STIM1: variants seen among roughly 807,000 people sequenced by gnomAD.
STIM1 encodes stromal interaction molecule 1.
STIM1 carries 25 observed loss-of-function variants against 74.7 expected under a neutral mutation model. The ratio of observed to expected loss-of-function variants is 0.33; its 90% confidence interval spans 0.24 to 0.47. The LOEUF (loss-of-function observed/expected upper bound fraction) is 0.47, where lower values mean the gene tolerates loss of function less well. STIM1 is among the 20% of genes least tolerant of loss of function. The pLI is 1.00. For missense variants in STIM1, 728 were observed against 920.8 expected, an observed-to-expected ratio of 0.79 and a Z score of 2.71; for synonymous variants, 328 against 348.8, an observed-to-expected ratio of 0.94 and a Z score of 0.66.
At chr11:3,966,903 C>G (rs2093345309) in intron 1 of STIM1, among the ~76,000 whole-genome samples, 1 of 152,202 alleles carries the variant, frequency 6.6e-6, no homozygotes, top group Non-Finnish European at 1.5e-5. Context: ...GCAGAAGAAA[C>G]TGTATCCCAG....
intron 6 of STIM1, among the ~76,000 whole-genome samples, chr11:4,071,532 A>G (rs2094403573): frequency 6.6e-6 from 1 of 151,810 alleles, no homozygotes; most frequent in African/African-American, 2.4e-5. Flanking sequence ...TTGTAGAGAC[A>G]GGGGTCTTGC....
At chr11:4,019,505 G>C (rs7939090) in intron 2 of STIM1, among the ~76,000 whole-genome samples, 6,572 of 151,974 alleles carry the variant, frequency 0.043, 425 homozygotes, top group African/African-American at 0.14. Flanking sequence ...GAGACACCGT[G>C]TGTACAAAAA....
At chr11:4,018,278 T>A (rs1267834901) in intron 2 of STIM1, among the ~76,000 whole-genome samples, 1 of 146,138 alleles carries the variant, frequency 6.8e-6, no homozygotes, top group Non-Finnish European at 1.5e-5. Flanking sequence ...TGAAACCCCG[T>A]CTCTACTAAA....
intron 1 of STIM1, among the ~76,000 whole-genome samples, chr11:3,903,071 G>A (rs2135442761): frequency 6.6e-6 from 1 of 152,230 alleles, no homozygotes; most frequent in South Asian, 2.1e-4. Flanking sequence ...ATTTTTATTA[G>A]TAGTTTATTC....
chr11:3,877,558 A>G (rs1483576239), intron 1 of STIM1, among the ~76,000 whole-genome samples: 1 of 152,170 alleles, frequency 6.6e-6, no homozygotes, highest in Non-Finnish European at 1.5e-5. Context: ...ACGTGTACTC[A>G]GCTTGACTTC....
intron 3 of STIM1, among the ~76,000 whole-genome samples, chr11:4,036,188 G>T (rs548402916): frequency 2.9e-4 from 44 of 152,158 alleles, no homozygotes; most frequent in Non-Finnish European, 1.5e-4. Flanking sequence ...ACATGATCTC[G>T]TTCCTTTTCA....
intron 5 of STIM1, among the ~76,000 whole-genome samples, chr11:4,063,850 TC>T (rs746573015): frequency 1.1e-4 from 17 of 152,340 alleles, no homozygotes; most frequent in Admixed American, 2.0e-4. Flanking sequence ...TCCCTACAGT[TC>T]CTTTCAGCTG....
At chr11:4,079,876 G>A (rs2133210167) in intron 7 of STIM1, among the ~76,000 whole-genome samples, 1 of 152,226 alleles carries the variant, frequency 6.6e-6, no homozygotes, top group East Asian at 1.9e-4. Flanking sequence ...AACCCCCCCA[G>A]ATAAATGAAA....
chr11:4,058,486 A>T (rs1354345370), intron 4 of STIM1, among the ~76,000 whole-genome samples: 1 of 152,216 alleles, frequency 6.6e-6, no homozygotes, highest in African/African-American at 2.4e-5. Context: ...AATCTTATAG[A>T]GTAGTATAGA....
chr11:4,010,719 C>CT (rs1019390637), intron 2 of STIM1, among the ~76,000 whole-genome samples: 43 of 151,800 alleles, frequency 2.8e-4, no homozygotes, highest in African/African-American at 9.7e-4. Flanking sequence ...TTCTTTCTTT[C>CT]TTTTTTTTAT....
chr11:4,068,014 TTATC>T lies in STIM1; in HGVS notation c.614-2008_614-2005del, dbSNP rs1202280961. On this transcript the variant is annotated intron_variant, in intron 5 of 12. Coordinates refer to ENST00000526596, the MANE Select transcript of STIM1 (RefSeq NM_001382567.1). ...ATGTGGCAGGTAGTATTTCCGGACT[TTATC>T]TATACATTTGACAAGGCAGAGGGTT... Among the ~76,000 whole-genome samples the T allele has an allele frequency of 2.6e-5, 4 of 152,334 alleles. No individual in the cohort carries two copies. The East Asian group carries it at 5.8e-4, about 22-fold the overall frequency.
intron 2 of STIM1, among the ~76,000 whole-genome samples, chr11:4,007,898 A>G (rs1159973372): frequency 6.6e-6 from 1 of 152,148 alleles, no homozygotes; most frequent in Non-Finnish European, 1.5e-5. Flanking sequence ...GACTGTTGCC[A>G]TGTAGTCATG....
intron 1 of STIM1, among the ~76,000 whole-genome samples, chr11:3,961,894 T>A (rs2093289895): frequency 6.6e-6 from 1 of 152,228 alleles, no homozygotes; most frequent in Non-Finnish European, 1.5e-5. Context: ...TTTGGAAGCC[T>A]TCATACTGGT....
chr11:3,993,714 C>T (rs1453489048), intron 2 of STIM1, among the ~76,000 whole-genome samples: 1 of 152,104 alleles, frequency 6.6e-6, no homozygotes, highest in African/African-American at 2.4e-5. Flanking sequence ...TGTCATACTT[C>T]ATGTTATCAA....
chr11:4,041,361 A>G (rs1430569204), intron 3 of STIM1, among the ~76,000 whole-genome samples: 2 of 152,204 alleles, frequency 1.3e-5, no homozygotes, highest in Non-Finnish European at 2.9e-5. Context: ...GTAGAAGCCA[A>G]TAAAAGCTTA....
At chr11:3,979,480 C>T (rs867717769) in intron 2 of STIM1, among the ~76,000 whole-genome samples, 21 of 152,158 alleles carry the variant, frequency 1.4e-4, no homozygotes, top group Middle Eastern at 3.2e-3. Context: ...GGGTCTTGCT[C>T]TGTCCTCTAG....
intron 2 of STIM1, among the ~76,000 whole-genome samples, chr11:4,003,298 T>C (rs1308449984): frequency 2.2e-5 from 3 of 133,436 alleles, no homozygotes; most frequent in South Asian, 2.5e-4. Flanking sequence ...AAGAGAATTT[T>C]AGACCAATAT....
intron 7 of STIM1, among the ~76,000 whole-genome samples, chr11:4,078,811 G>A (rs1019000166): frequency 6.6e-6 from 1 of 151,456 alleles, no homozygotes; most frequent in African/African-American, 2.4e-5. Context: ...CCTCAGGTGA[G>A]CCACCCACCT....
chr11:3,883,821 T>G (rs2091607366), intron 1 of STIM1, among the ~76,000 whole-genome samples: 1 of 152,206 alleles, frequency 6.6e-6, no homozygotes, highest in Non-Finnish European at 1.5e-5. Flanking sequence ...ACTTACTTGA[T>G]AGTAATGACA....
Sources: allele counts gnomAD v4.1 joint callset (sites outside exome capture counted in the v4.1 genomes callset), GRCh38; gene constraint gnomAD v4.1.1; transcripts MANE v1.5; gene names NCBI Gene and HGNC (gene_info 2026-07-23, HGNC 2026-07-21).